ENO4: variants seen among roughly 807,000 people sequenced by gnomAD.
The protein encoded by ENO4 is enolase 4, also known as 2-phospho-D-glycerate hydro-lyase.
Under a neutral mutation model 63.2 loss-of-function variants are expected in ENO4, and 53 were observed. The ratio of observed to expected loss-of-function variants is 0.84; its 90% CI spans 0.67 to 1.05. The LOEUF (loss-of-function observed/expected upper bound fraction) is 1.05, where lower values mean the gene tolerates loss of function less well. ENO4 is among the 50% of genes least tolerant of loss of function. The probability of loss-of-function intolerance (pLI) is 0.00; values close to 1 mark genes in which losing one functional copy is unlikely to be tolerated. For synonymous variants in ENO4, 266 were observed against 283.8 expected (o/e 0.94, Z 0.63); for missense variants, 719 against 772.0 (o/e 0.93, Z 0.81).
In ENO4 at chr10:116,856,450, G is replaced by A. The variant is rs1359066011; in HGVS notation, c.295-42G>A. ...GATTCATTTAATTTCCTCTTTCTGG[G>A]AGAGGTAGGGAAAGTGTTGAACACA... On this transcript the variant is annotated intron_variant, in intron 2 of 13. Transcript: ENST00000341276. The A allele has an allele frequency of 5.5e-6, 8 of 1,464,568 alleles. No individual in the cohort carries two copies. The East Asian group carries it at 2.0e-4, about 37-fold the overall frequency. The allele number at this position is 1,464,568 out of a possible 1,614,324, so 90.7% of individuals were successfully genotyped here. A position where few individuals can be genotyped will look rare whatever the true frequency, so the allele number is the denominator to read the frequency against.
In ENO4 at chr10:116,872,574, C is replaced by T. The variant is rs557847932; in HGVS notation, c.1215+1282C>T. 5.9e-5 allele frequency among the ~76,000 whole-genome samples: 9 copies of T among 152,318 alleles called. No homozygotes were observed. In the South Asian group the frequency reaches 1.7e-3, roughly 28 times the overall value. The stretch of plus-strand genomic sequence containing the variant: ...TTACCTTCCACCATGATTGTGTGGC[C>T]TCCTCAGCCATGTGGAACTGTAAGT... On this transcript the variant is annotated intron_variant, in intron 9 of 13. Transcript: ENST00000341276.
Position 116,876,131 on chromosome 10 carries a change from G to C in ENO4, c.1408G>C (p.Ala470Pro). Residue 470 changes from alanine (A) to proline (P), a missense_variant, in exon 11 of 14, where the codon GCT becomes CCT. Physicochemically the swap from Ala to Pro is conservative, Grantham distance 27. Transcript: ENST00000341276. Reference sequence around the variant, plus strand: ...CAGGTGTTACATAATTGCAGGAACTGCTTCCAAAAGCATTTCTAAACTTCT... The same window carrying C: ...CAGGTGTTACATAATTGCAGGAACTCCTTCCAAAAGCATTTCTAAACTTCT... ...GSRCYIIAGTASKSISKLLEQ... is the reference protein window; with the variant it reads ...GSRCYIIAGTPSKSISKLLEQ... The C allele has an allele frequency of 1.3e-6, 2 of 1,550,856 alleles. No individual in the cohort carries two copies. Among genetic ancestry groups the C allele is most frequent in the Admixed American group, 2.0e-5 (1 of 50,996 alleles).
chr10:116,880,063 TC>T (rs1279732306), intron 13 of ENO4, 77 bp downstream of exon 13: 7 of 1,160,726 alleles, frequency 6.0e-6, no homozygotes, highest in Non-Finnish European at 1.2e-6. Flanking sequence ...GGAATAGAAG[TC>T]CCTCTGCAGG....
At chr10:116,911,856 TAAGA>T (rs763710561), downstream of ENO4, 28 of 1,602,794 alleles carry the variant, frequency 1.7e-5, no homozygotes, top group Admixed American at 1.2e-4. Context: ...ATAATTTTAA[TAAGA>T]AAGAAAAATC....
chr10:116,870,975 A>G (rs2133270142), intron 8 of ENO4, 150 bp from the exon 9 acceptor site: 2 of 670,436 alleles, frequency 3.0e-6, no homozygotes, highest in East Asian at 2.8e-5. Flanking sequence ...CATATGCCCT[A>G]AGTCATGTGA....
intron 1 of ENO4, among the ~76,000 whole-genome samples, chr10:116,854,251 G>T (rs1323322482): frequency 3.3e-5 from 5 of 152,066 alleles, no homozygotes; most frequent in African/African-American, 1.2e-4. Context: ...CACGTGCCTT[G>T]CTGGGAGGAA....
intron 8 of ENO4, among the ~76,000 whole-genome samples, chr10:116,870,187 A>AC (rs1286580121): frequency 6.6e-6 from 1 of 152,050 alleles, no homozygotes; most frequent in African/African-American, 2.4e-5. Context: ...ACACACACAC[A>AC]CCCCTTACCT....
downstream of ENO4, chr10:116,886,472 G>T (rs750098990): frequency 6.2e-7 from 1 of 1,614,002 alleles, no homozygotes; most frequent in South Asian, 1.1e-5. Context: ...TTGGTTTGGG[G>T]TTCATGTGTA....
intron 10 of ENO4, chr10:116,906,545 G>T (rs897481540): frequency 7.4e-7 from 1 of 1,357,358 alleles, no homozygotes; most frequent in South Asian, 1.6e-5. Flanking sequence ...CTTTTTAAAA[G>T]ATTGTTTCAT....
chr10:116,894,640 G>A (rs1361141475), intron 10 of ENO4, among the ~76,000 whole-genome samples: 1 of 152,118 alleles, frequency 6.6e-6, no homozygotes, highest in East Asian at 1.9e-4. Context: ...GTTCCCTTTC[G>A]AAGGGCTTCT....
intron 10 of ENO4, among the ~76,000 whole-genome samples, chr10:116,910,348 G>A (rs754020971): frequency 1.3e-5 from 2 of 152,130 alleles, no homozygotes; most frequent in Non-Finnish European, 2.9e-5. Context: ...TAGATCCAAG[G>A]CAAGAAGGAT....
At chr10:116,875,561 T>TCACACACACACACACA (rs56000218) in intron 10 of ENO4, among the ~76,000 whole-genome samples, 5,130 of 147,946 alleles carry the variant, frequency 0.035, 120 homozygotes, top group African/African-American at 0.071. Context: ...TCCAGGCTGG[T>TCACACACACACACACA]CACACACACA....
At chr10:116,865,097 A>G (rs929894134) in intron 7 of ENO4, among the ~76,000 whole-genome samples, 3 of 151,840 alleles carry the variant, frequency 2.0e-5, no homozygotes, top group Admixed American at 2.0e-4. Flanking sequence ...ATCATTCTGC[A>G]AATTGCTTTA....
chr10:116,900,736 C>T, intron 10 of ENO4: 1 of 984,180 alleles, frequency 1.0e-6, no homozygotes. Context: ...TCTGTTAGAA[C>T]TGTTCAAATG....
At chr10:116,881,487 C>T in intron 13 of ENO4, 28 bp from the exon 14 acceptor site, 1 of 1,501,702 alleles carries the variant, frequency 6.7e-7, no homozygotes, top group Non-Finnish European at 8.9e-7. Context: ...TTGGATTAGA[C>T]AGTAAACTTT....
At chr10:116,902,608 T>A (rs753948437) in intron 10 of ENO4, among the ~76,000 whole-genome samples, 4 of 152,320 alleles carry the variant, frequency 2.6e-5, no homozygotes, top group African/African-American at 9.6e-5. Flanking sequence ...GGCATATCAA[T>A]CTAAAAATTC....
At position 116,849,562 on chromosome 10, in the gene ENO4, C is replaced by A. The variant is rs952172927; in HGVS notation, c.-5C>A. On this transcript the variant is annotated 5_prime_UTR_variant, in exon 1 of 14. Transcript: ENST00000341276. ...AAACCCCGCTGTAGCCTTAAATCTCCTACCATGGAGGAAGAAGGCGGCGGC... is the reference window on the plus strand; with the variant it reads ...AAACCCCGCTGTAGCCTTAAATCTCATACCATGGAGGAAGAAGGCGGCGGC... 4 of 1,533,968 alleles carry A rather than the reference C, an allele frequency of 2.6e-6. No homozygotes were observed. The highest frequency in any genetic ancestry group is 3.5e-6 in the Non-Finnish European group (4 of 1,139,432).
chr10:116,894,796 A>G lies in ENO4; in HGVS notation c.1194+14810A>G, dbSNP rs183808797. 3.3e-5 allele frequency among the ~76,000 whole-genome samples: 5 copies of G among 152,346 alleles called. No individual in the cohort carries two copies. In the East Asian group the frequency reaches 9.6e-4, roughly 29 times the overall value. ...TGAAAAAGTGTGAATATGGATGAAA[A>G]AGCTCAATTCAGACAAGCAGCGCCA... On this transcript the variant is annotated intron_variant, in intron 10 of 10. Coordinates refer to the ENO4 transcript ENST00000369207.
At position 116,876,117 on chromosome 10, in the gene ENO4, TA is replaced by T. The variant is rs1169942711; in HGVS notation, c.1396del (p.Ile466LeufsTer13). The T allele has an allele frequency of 2.6e-6, 4 of 1,550,828 alleles. No individual in the cohort carries two copies. Among genetic ancestry groups the T allele is most frequent in the Non-Finnish European group, 3.5e-6 (4 of 1,147,000 alleles). On this transcript the variant is annotated frameshift_variant, in exon 11 of 14. Coordinates refer to ENST00000341276, the MANE Select transcript of ENO4 (RefSeq NM_001242699.2). LOFTEE classifies it high-confidence loss of function. ...CACGCACTTGGTTCCAGGTGTTACA[TA>T]ATTGCAGGAACTGCTTCCAAAAGCA... is the stretch of plus-strand genomic sequence containing the variant. Reference protein sequence around the residue: ...IYHALGSRCYIIAGTASKSIS... With the variant: ...IYHALGSRCYXIAGTASKSIS...
Sources: allele counts gnomAD v4.1 joint callset (sites outside exome capture counted in the v4.1 genomes callset), GRCh38; gene constraint gnomAD v4.1.1; transcripts MANE v1.5; gene names NCBI Gene and HGNC (gene_info 2026-07-23, HGNC 2026-07-21).